Variants in IL1RAPL1 observed in about 807,000 individuals in gnomAD.
IL1RAPL1 encodes the protein interleukin-1 receptor accessory protein-like 1.
Under a neutral mutation model 48.4 loss-of-function variants are expected in IL1RAPL1, and 3 were observed. The ratio of observed to expected loss-of-function variants is 0.06; its 90% confidence interval spans 0.03 to 0.16. The LOEUF is 0.16. Among genes scored for constraint, IL1RAPL1 ranks in the 10% least tolerant of loss-of-function variants. The pLI is 1.00. For synonymous variants in IL1RAPL1, 185 were observed against 187.7 expected (o/e 0.99, Z 0.12); for missense variants, 349 against 530.6 (o/e 0.66, Z 3.36).
intron 2 of IL1RAPL1, among the ~76,000 whole-genome samples, chrX:28,821,846 A>G (rs1298812032): frequency 9.0e-6 from 1 of 111,383 alleles, no homozygotes; most frequent in Non-Finnish European, 1.9e-5. Context: ...AACAAAATCT[A>G]AATCAAATTG....
chrX:28,933,271 A>G (rs1923932763), intron 2 of IL1RAPL1, among the ~76,000 whole-genome samples: 1 of 110,910 alleles, frequency 9.0e-6, no homozygotes, highest in Admixed American at 9.7e-5. Flanking sequence ...TGGAGGAGCA[A>G]GCTTTCAGAT....
At chrX:29,388,287 C>G (rs1002504319) in intron 3 of IL1RAPL1, among the ~76,000 whole-genome samples, 1 of 110,410 alleles carries the variant, frequency 9.1e-6, no homozygotes, top group African/African-American at 3.3e-5. Context: ...GAACAAATTC[C>G]TGTAATGAAT....
In IL1RAPL1 at chrX:29,202,203, A is replaced by G. The variant is rs1930569361; in HGVS notation, c.83-80735A>G. Among the ~76,000 whole-genome samples the G allele has an allele frequency of 2.7e-5, 3 of 112,155 alleles. No individual in the cohort carries two copies. The Admixed American group carries it at 2.8e-4, about 11-fold the overall frequency. On this transcript the variant is annotated intron_variant, in intron 2 of 10. Transcript: ENST00000378993. Reference sequence around the variant, plus strand: ...AATCCTATAAAAAAGTGGGCAAAGGACATGAACAGAAACTTTTCAATAGAA... The same window carrying G: ...AATCCTATAAAAAAGTGGGCAAAGGGCATGAACAGAAACTTTTCAATAGAA...
At chrX:28,680,486 G>A (rs1282859863) in intron 1 of IL1RAPL1, among the ~76,000 whole-genome samples, 1 of 111,054 alleles carries the variant, frequency 9.0e-6, no homozygotes, top group East Asian at 2.8e-4. Flanking sequence ...TTCTTATACT[G>A]TGTTGAAGAG....
intron 2 of IL1RAPL1, among the ~76,000 whole-genome samples, chrX:28,872,529 C>T (rs144986841): frequency 2.7e-5 from 3 of 112,345 alleles, no homozygotes; most frequent in African/African-American, 9.7e-5. Context: ...ACTCTGGGCC[C>T]ACTGCCTAGG....
chrX:29,566,933 CA>C (rs1364285376), intron 5 of IL1RAPL1, among the ~76,000 whole-genome samples: 3 of 111,271 alleles, frequency 2.7e-5, no homozygotes, highest in Non-Finnish European at 3.8e-5. Flanking sequence ...GATACAGAGG[CA>C]AAGAGATCTT....
chrX:29,081,237 G>A (rs1025313122), intron 2 of IL1RAPL1, among the ~76,000 whole-genome samples: 8 of 105,489 alleles, frequency 7.6e-5, no homozygotes, highest in Non-Finnish European at 1.3e-4. Context: ...CGTATTTTTA[G>A]TAGAGATGGG....
intron 5 of IL1RAPL1, among the ~76,000 whole-genome samples, chrX:29,491,196 C>G (rs1210301398): frequency 8.9e-6 from 1 of 111,816 alleles, no homozygotes; most frequent in Non-Finnish European, 1.9e-5. Flanking sequence ...TCTGATTCAT[C>G]CCATATTCAA....
intron 5 of IL1RAPL1, among the ~76,000 whole-genome samples, chrX:29,469,616 T>C (rs931261404): frequency 2.7e-5 from 3 of 111,617 alleles, no homozygotes; most frequent in African/African-American, 9.8e-5. Context: ...TATCTCTTAG[T>C]GGATGACAAT....
rs1019699431 is a variant in IL1RAPL1, at chrX:29,715,633, C to T, written c.778+47129C>T. 2.5e-4 allele frequency among the ~76,000 whole-genome samples: 28 copies of T among 111,451 alleles called. No individual in the cohort carries two copies. In the Admixed American group the frequency reaches 2.6e-3, roughly 10 times the overall value. On this transcript the variant is annotated intron_variant, in intron 6 of 10. Transcript: ENST00000378993. Reference sequence around the variant, plus strand: ...GTCACCATCAGTAATGATATTCTGGCTAAGCATTCTTTTCTACCCTATCCT... The same window carrying T: ...GTCACCATCAGTAATGATATTCTGGTTAAGCATTCTTTTCTACCCTATCCT...
chrX:29,906,103 G>A (rs1224040681), intron 6 of IL1RAPL1, among the ~76,000 whole-genome samples: 1 of 109,354 alleles, frequency 9.1e-6, no homozygotes, highest in Non-Finnish European at 1.9e-5. Context: ...TTGGGAGGCC[G>A]AGGCAGGTGG....
intron 2 of IL1RAPL1, among the ~76,000 whole-genome samples, chrX:29,021,540 T>C (rs1926368685): frequency 8.9e-6 from 1 of 111,930 alleles, no homozygotes; most frequent in South Asian, 3.7e-4. Flanking sequence ...AAGATATGCA[T>C]ATGGATACTT....
chrX:29,275,426 C>T (rs934964546), intron 2 of IL1RAPL1, among the ~76,000 whole-genome samples: 4 of 111,963 alleles, frequency 3.6e-5, no homozygotes, highest in African/African-American at 1.3e-4. Context: ...CTGTACTCCT[C>T]ACCACTCCAC....
chrX:29,750,645 A>G (rs953107140), intron 6 of IL1RAPL1, among the ~76,000 whole-genome samples: 2 of 111,825 alleles, frequency 1.8e-5, no homozygotes, highest in African/African-American at 6.5e-5. Context: ...ATGACGTGGC[A>G]TTTATAATTT....
At chrX:29,148,432 G>A (rs913005381) in intron 2 of IL1RAPL1, among the ~76,000 whole-genome samples, 4 of 111,168 alleles carry the variant, frequency 3.6e-5, no homozygotes, top group Admixed American at 1.9e-4. Flanking sequence ...CTTTCTCCTC[G>A]GCAAAAACAC....
At chrX:28,714,732 C>A (rs1026332012) in intron 1 of IL1RAPL1, among the ~76,000 whole-genome samples, 2 of 111,857 alleles carry the variant, frequency 1.8e-5, no homozygotes, top group Non-Finnish European at 3.8e-5. Flanking sequence ...TCAGCAATAT[C>A]TTTTGCATAC....
chrX:29,180,782 C>G (rs189417755), intron 2 of IL1RAPL1, among the ~76,000 whole-genome samples: 9 of 111,797 alleles, frequency 8.1e-5, no homozygotes, highest in African/African-American at 2.9e-4. Flanking sequence ...ATGACCTAAT[C>G]CAAACATAAT....
chrX:28,704,831 C>CACACACACACA (rs1368584299), intron 1 of IL1RAPL1, among the ~76,000 whole-genome samples: 1 of 29,648 alleles, frequency 3.4e-5, no homozygotes, highest in African/African-American at 1.6e-4. Context: ...CACACACACA[C>CACACACACACA]AAAAAAAAAA....
intron 7 of IL1RAPL1, among the ~76,000 whole-genome samples, chrX:29,919,405 A>G (rs145046946): frequency 0.029 from 3,309 of 112,203 alleles, 68 homozygotes; most frequent in Admixed American, 0.086. Context: ...ATTAATTTTA[A>G]TGTCAGAGTT....
Sources: gnomAD v4.1 joint callset for allele counts (sites outside exome capture counted in the v4.1 genomes callset) on GRCh38, gnomAD v4.1.1 for gene constraint, MANE v1.5 for transcripts, NCBI Gene and HGNC (gene_info 2026-07-23, HGNC 2026-07-21) for gene names.